Variants in ARHGAP39 observed in about 807,000 individuals in gnomAD.
ARHGAP39 encodes the protein Rho GTPase activating protein 39.
In ARHGAP39, 44 loss-of-function variants were observed where a neutral mutation model predicts 106.9. That is an observed-to-expected ratio of 0.41 (90% CI 0.32 to 0.53). ARHGAP39 has a LOEUF of 0.53. Ranked by LOEUF, ARHGAP39 falls within the 20% of genes least tolerant of loss-of-function variation. The probability of loss-of-function intolerance (pLI) is 0.21; values close to 1 mark genes in which losing one functional copy is unlikely to be tolerated. For missense variants in ARHGAP39, 1,496 were observed against 1,577.3 expected (o/e 0.95, Z 0.87); for synonymous variants, 768 against 693.2 (o/e 1.11, Z -1.69).
intron 2 of ARHGAP39, among the ~76,000 whole-genome samples, chr8:144,603,417 C>CA (rs1463790699): frequency 6.6e-6 from 1 of 152,012 alleles, no homozygotes; most frequent in African/African-American, 2.4e-5. Context: ...GTGCTCAGGC[C>CA]AAAAAGCACA....
chr8:144,534,856 C>T (rs1477614579), intron 7 of ARHGAP39, among the ~76,000 whole-genome samples: 1 of 152,210 alleles, frequency 6.6e-6, no homozygotes, highest in Non-Finnish European at 1.5e-5. Context: ...TGAGTCAGCA[C>T]CTGATGAGGG....
chr8:144,553,950 A>G (rs1045627746), intron 4 of ARHGAP39, among the ~76,000 whole-genome samples: 14 of 152,208 alleles, frequency 9.2e-5, no homozygotes, highest in African/African-American at 2.9e-4. Context: ...CCTCCCAGCC[A>G]TTAGTTTACG....
intron 1 of ARHGAP39, among the ~76,000 whole-genome samples, chr8:144,666,868 G>A (rs925102698): frequency 1.4e-4 from 21 of 152,210 alleles, no homozygotes; most frequent in African/African-American, 4.6e-4. Flanking sequence ...GACCCAAACA[G>A]GCCTCTGCCC....
chr8:144,537,786 T>C lies in ARHGAP39; in HGVS notation c.2549A>G (p.Glu850Gly). The C allele has an allele frequency of 6.2e-7, 1 of 1,614,144 alleles. No homozygotes were observed. Among genetic ancestry groups the C allele is most frequent in the African/African-American group, 1.3e-5 (1 of 75,052 alleles). The change falls in exon 7 of 12, where the codon GAA (glutamate) becomes GGA (glycine). Residue 850 changes from glutamate (E) to glycine (G), a missense_variant. Physicochemically the swap from Glu to Gly is moderately conservative, Grantham distance 98. Coordinates refer to ENST00000377307, the MANE Select transcript of ARHGAP39 (RefSeq NM_025251.3). Reference protein sequence around the residue: ...KVTQHIKELLERNTKKKSKLR... With the variant: ...KVTQHIKELLGRNTKKKSKLR... ...TTTGGACTTCTTCTTAGTGTTTCTTTCCAGGAGCTCTTTTATGTGCTGTGT... is the reference window on the plus strand; with the variant it reads ...TTTGGACTTCTTCTTAGTGTTTCTTCCCAGGAGCTCTTTTATGTGCTGTGT...
intron 3 of ARHGAP39, among the ~76,000 whole-genome samples, chr8:144,577,343 C>T (rs958231341): frequency 4.6e-5 from 7 of 152,110 alleles, no homozygotes; most frequent in Admixed American, 3.9e-4. Flanking sequence ...GGAGAGAAAC[C>T]ACGTGATCAT....
intron 3 of ARHGAP39, among the ~76,000 whole-genome samples, chr8:144,569,066 G>C (rs906643168): frequency 1.3e-5 from 2 of 152,054 alleles, no homozygotes; most frequent in Admixed American, 1.3e-4. Flanking sequence ...GATGCCTACA[G>C]GAAAACTCAC....
At chr8:144,546,549 C>T (rs1307901310) in intron 5 of ARHGAP39, among the ~76,000 whole-genome samples, 3 of 152,174 alleles carry the variant, frequency 2.0e-5, no homozygotes, top group Non-Finnish European at 4.4e-5. Flanking sequence ...GAGGTGAGAA[C>T]AAGGATGGAG....
At chr8:144,661,496 C>T (rs544166340) in intron 1 of ARHGAP39, among the ~76,000 whole-genome samples, 2 of 152,258 alleles carry the variant, frequency 1.3e-5, no homozygotes, top group Non-Finnish European at 2.9e-5. Flanking sequence ...CCACACCTGC[C>T]GCTAAACACA....
At chr8:144,665,672 A>G (rs951367785) in intron 1 of ARHGAP39, among the ~76,000 whole-genome samples, 9 of 152,218 alleles carry the variant, frequency 5.9e-5, no homozygotes, top group African/African-American at 2.2e-4. Context: ...GGCAGCTCCC[A>G]TGTGGTGTTG....
chr8:144,535,943 C>A (rs1216965229), intron 7 of ARHGAP39, among the ~76,000 whole-genome samples: 1 of 152,228 alleles, frequency 6.6e-6, no homozygotes. Context: ...GGCCACACTA[C>A]TTCACCTGCA....
At chr8:144,590,646 G>T (rs565568486) in intron 2 of ARHGAP39, among the ~76,000 whole-genome samples, 32 of 152,274 alleles carry the variant, frequency 2.1e-4, no homozygotes, top group African/African-American at 6.5e-4. Context: ...GGCCTGACAC[G>T]AGTGACTGCA....
At chr8:144,533,425 C>A in intron 8 of ARHGAP39, 100 bp from the exon 9 acceptor site, 1 of 1,210,192 alleles carries the variant, frequency 8.3e-7, no homozygotes, top group South Asian at 1.4e-5. Flanking sequence ...GGGTGGCGCT[C>A]TTCAGAATTC....
intron 1 of ARHGAP39, among the ~76,000 whole-genome samples, chr8:144,619,882 G>A (rs1166497423): frequency 2.0e-5 from 3 of 149,632 alleles, no homozygotes; most frequent in South Asian, 2.1e-4. Flanking sequence ...GCCCGTGTGA[G>A]TGAGCCTGTA....
At chr8:144,581,385 G>C in intron 2 of ARHGAP39, 108 bp from the exon 3 acceptor site, 1 of 1,245,948 alleles carries the variant, frequency 8.0e-7, no homozygotes, top group Non-Finnish European at 1.1e-6. Flanking sequence ...CAGAAATCCT[G>C]TCATAGAGGA....
At chr8:144,619,453 C>T (rs1487511893) in intron 1 of ARHGAP39, among the ~76,000 whole-genome samples, 8 of 150,338 alleles carry the variant, frequency 5.3e-5, no homozygotes, top group African/African-American at 1.2e-4. Flanking sequence ...CAGGTATGCT[C>T]GTGTGCGCGT....
chr8:144,630,750 G>C (rs1586626897), intron 1 of ARHGAP39, among the ~76,000 whole-genome samples: 1 of 152,260 alleles, frequency 6.6e-6, no homozygotes, highest in Non-Finnish European at 1.5e-5. Flanking sequence ...CGCTAGGTGA[G>C]AGGTGCCAGT....
In ARHGAP39 at chr8:144,659,633, AG is replaced by A. The variant is rs1821775710; in HGVS notation, c.-82+26052del. Among the ~76,000 whole-genome samples the A allele has an allele frequency of 1.3e-5, 2 of 152,214 alleles. 1 individual carries two copies. Among genetic ancestry groups the A allele is most frequent in the South Asian group, 4.1e-4 (2 of 4,832 alleles). On this transcript the variant is annotated intron_variant, in intron 1 of 11. Coordinates refer to ENST00000377307, the MANE Select transcript of ARHGAP39 (RefSeq NM_025251.3). ...AGACTATTTCATGGGACCTAAACAA[AG>A]CAATCAGAGAATCCCAAACAATTTT...
intron 1 of ARHGAP39, among the ~76,000 whole-genome samples, chr8:144,648,872 A>C (rs1299483245): frequency 6.6e-6 from 1 of 152,224 alleles, no homozygotes; most frequent in Non-Finnish European, 1.5e-5. Context: ...AGGGAAATTC[A>C]TAGCACTAAA....
Position 144,683,874 on chromosome 8 carries a change from C to T in ARHGAP39, c.-82+1812G>A, listed in dbSNP as rs921448910. Among the ~76,000 whole-genome samples, 12 of 152,238 alleles carry T rather than the reference C, an allele frequency of 7.9e-5. No individual in the cohort carries two copies. The East Asian group carries it at 1.5e-3, about 20-fold the overall frequency. ...ACCCACTGACCCAGCACATGCACCC[C>T]GGAAGCACCAGATCTTGGCAGTAAT... On this transcript the variant is annotated intron_variant, in intron 1 of 11. Transcript: ENST00000377307.
Sources: allele counts gnomAD v4.1 joint callset (sites outside exome capture counted in the v4.1 genomes callset), GRCh38; gene constraint gnomAD v4.1.1; transcripts MANE v1.5; gene names NCBI Gene and HGNC (gene_info 2026-07-23, HGNC 2026-07-21).